The following FRMD4A variants were observed in gnomAD, a reference collection of about 807,000 sequenced individuals.
FRMD4A encodes FERM domain-containing protein 4A.
Under a neutral mutation model 129.1 loss-of-function variants are expected in FRMD4A, and 29 were observed. The observed-to-expected ratio is 0.22, with a 90% CI of 0.17 to 0.31. FRMD4A has a LOEUF of 0.31. Among genes scored for constraint, FRMD4A ranks in the 10% least tolerant of loss-of-function variants. The pLI, the probability that FRMD4A is intolerant of heterozygous loss-of-function variation, is 1.00. For synonymous variants in FRMD4A, 634 were observed against 571.6 expected, an observed-to-expected ratio of 1.11 and a Z score of -1.56; for missense variants, 1,272 against 1,375.8, an observed-to-expected ratio of 0.92 and a Z score of 1.19.
In FRMD4A at chr10:14,258,030, C is replaced by T. The variant is rs1120910; in HGVS notation, c.45+72028G>A. Among the ~76,000 whole-genome samples, 1,180 of 152,056 alleles carry T rather than the reference C, an allele frequency of 7.8e-3. 13 individuals are homozygous for T. The highest frequency in any genetic ancestry group is 0.049 in the South Asian group (235 of 4,820). On this transcript the variant is annotated intron_variant, in intron 2 of 24. Transcript: ENST00000357447. ...GGTAAAACTTGACTATTATCTTACACTATATATAAAAATTAACTCAAAACG... is the reference window on the plus strand; with the variant it reads ...GGTAAAACTTGACTATTATCTTACATTATATATAAAAATTAACTCAAAACG...
intron 2 of FRMD4A, among the ~76,000 whole-genome samples, chr10:14,013,798 G>A (rs1201654247): frequency 6.6e-6 from 1 of 152,168 alleles, no homozygotes; most frequent in Non-Finnish European, 1.5e-5. Flanking sequence ...AGGTGTGGTG[G>A]TGCATCCCTG....
At chr10:14,102,285 G>A (rs549645145) in intron 2 of FRMD4A, among the ~76,000 whole-genome samples, 5 of 152,240 alleles carry the variant, frequency 3.3e-5, no homozygotes, top group South Asian at 2.1e-4. Flanking sequence ...CCAGTACCTC[G>A]GGAGGCCAAG....
At chr10:14,111,743 G>A (rs1262159559) in intron 2 of FRMD4A, among the ~76,000 whole-genome samples, 1 of 151,882 alleles carries the variant, frequency 6.6e-6, no homozygotes. Context: ...GAGAGATTAG[G>A]TAAATATATT....
chr10:14,094,921 G>T (rs777524797), intron 2 of FRMD4A, among the ~76,000 whole-genome samples: 4 of 152,128 alleles, frequency 2.6e-5, no homozygotes, highest in Non-Finnish European at 5.9e-5. Flanking sequence ...GTGTATGCTT[G>T]TGTGTGCCCA....
At chr10:14,172,264 C>T (rs1841516259) in intron 2 of FRMD4A, among the ~76,000 whole-genome samples, 1 of 152,154 alleles carries the variant, frequency 6.6e-6, no homozygotes, top group African/African-American at 2.4e-5. Flanking sequence ...AATCTATTTG[C>T]TATGTAGAGA....
chr10:13,768,809 A>G (rs1242868280), intron 6 of FRMD4A, among the ~76,000 whole-genome samples: 1 of 152,016 alleles, frequency 6.6e-6, no homozygotes, highest in East Asian at 1.9e-4. Context: ...TTCCTTTCCA[A>G]TTATTTTACT....
intron 14 of FRMD4A, among the ~76,000 whole-genome samples, chr10:13,698,451 G>C (rs2086449282): frequency 6.6e-6 from 1 of 152,186 alleles, no homozygotes; most frequent in African/African-American, 2.4e-5. Flanking sequence ...CTGCCCATCA[G>C]AGATCAATCA....
rs1224528919 is a variant in FRMD4A, at chr10:14,139,335, T to G, written c.45+190723A>C. ...GTCATTCCACTTTTTAAATGGTCCG[T>G]GCTAAAGGTTGCTGAAGTCATAAGC... On this transcript the variant is annotated intron_variant, in intron 2 of 24. Transcript: ENST00000357447. 1.2e-4 allele frequency among the ~76,000 whole-genome samples: 19 copies of G among 152,224 alleles called. 1 individual carries two copies. Among genetic ancestry groups the G allele is most frequent in the Admixed American group, 7.9e-4 (12 of 15,282 alleles).
intron 2 of FRMD4A, among the ~76,000 whole-genome samples, chr10:14,239,444 G>A (rs1388561222): frequency 2.6e-5 from 4 of 152,116 alleles, no homozygotes; most frequent in African/African-American, 7.2e-5. Flanking sequence ...TGGCTAACAT[G>A]GTGAAACCCC....
intron 2 of FRMD4A, among the ~76,000 whole-genome samples, chr10:14,192,864 T>A (rs1366097173): frequency 6.6e-6 from 1 of 152,268 alleles, no homozygotes; most frequent in Non-Finnish European, 1.5e-5. Flanking sequence ...GATTTATTTA[T>A]TCACTGTTGC....
intron 2 of FRMD4A, among the ~76,000 whole-genome samples, chr10:14,244,988 T>C (rs1844181510): frequency 6.6e-6 from 1 of 152,250 alleles, no homozygotes. Flanking sequence ...TTTCTGGAAG[T>C]ACAGTCTCCT....
chr10:13,985,844 C>T (rs770709065), intron 2 of FRMD4A, among the ~76,000 whole-genome samples: 1 of 152,238 alleles, frequency 6.6e-6, no homozygotes, highest in Non-Finnish European at 1.5e-5. Flanking sequence ...AGTCTGCCAG[C>T]CCTGGCGATG....
intron 3 of FRMD4A, among the ~76,000 whole-genome samples, chr10:13,846,971 A>G (rs1465890417): frequency 6.6e-6 from 1 of 152,192 alleles, no homozygotes; most frequent in African/African-American, 2.4e-5. Flanking sequence ...GCAAATGTCT[A>G]CACTGGGGCA....
At chr10:13,751,358 C>T (rs1260263647) in intron 8 of FRMD4A, among the ~76,000 whole-genome samples, 1 of 152,208 alleles carries the variant, frequency 6.6e-6, no homozygotes, top group Non-Finnish European at 1.5e-5. Flanking sequence ...CTGTCCAAAT[C>T]CATTATATTC....
At chr10:14,135,481 C>T (rs568618044) in intron 2 of FRMD4A, among the ~76,000 whole-genome samples, 50 of 152,298 alleles carry the variant, frequency 3.3e-4, no homozygotes, top group African/African-American at 1.1e-3. Context: ...CATGTGGCTG[C>T]GTTGGAGTCT....
intron 2 of FRMD4A, among the ~76,000 whole-genome samples, chr10:13,884,146 T>TCACATA (rs2094581719): frequency 1.0e-5 from 1 of 99,302 alleles, no homozygotes; most frequent in Non-Finnish European, 2.0e-5. Flanking sequence ...ACACACACTC[T>TCACATA]CACACACTCT....
chr10:13,707,780 G>T, intron 12 of FRMD4A: 2 of 985,374 alleles, frequency 2.0e-6, no homozygotes, highest in East Asian at 1.1e-4. Context: ...GAGTTCTGTC[G>T]CCCGGAAGGA....
intron 12 of FRMD4A, chr10:13,707,930 G>C (rs1013948651): frequency 3.1e-6 from 3 of 979,516 alleles, no homozygotes; most frequent in Non-Finnish European, 2.4e-6. Context: ...AGTAATTAGG[G>C]CTGCATCCAA....
chr10:13,816,756 A>G (rs935341833), intron 3 of FRMD4A, among the ~76,000 whole-genome samples: 2 of 152,322 alleles, frequency 1.3e-5, no homozygotes, highest in African/African-American at 2.4e-5. Context: ...TGCTGTAAAC[A>G]TTTGTGGAGC....
Sources: gnomAD v4.1 joint callset for allele counts (sites outside exome capture counted in the v4.1 genomes callset) on GRCh38, gnomAD v4.1.1 for gene constraint, MANE v1.5 for transcripts, NCBI Gene and HGNC (gene_info 2026-07-23, HGNC 2026-07-21) for gene names.